The following AGBL1 variants were observed in gnomAD, a reference collection of about 807,000 sequenced individuals.
AGBL1 encodes the protein cytosolic carboxypeptidase 4.
Under a neutral mutation model 118.9 loss-of-function variants are expected in AGBL1, and 130 were observed. The ratio of observed to expected loss-of-function variants is 1.09; its 90% CI spans 0.95 to 1.26. The LOEUF (loss-of-function observed/expected upper bound fraction) is 1.26. AGBL1 is among the 50% of genes most tolerant of loss of function. The pLI is 0.00. For missense variants in AGBL1, 1,584 were observed against 1,298.1 expected, an observed-to-expected ratio of 1.22 and a Z score of -3.38; for synonymous variants, 555 against 478.9, an observed-to-expected ratio of 1.16 and a Z score of -2.08.
intron 8 of AGBL1, among the ~76,000 whole-genome samples, chr15:86,257,373 T>A (rs571594368): frequency 1.3e-5 from 2 of 152,208 alleles, no homozygotes; most frequent in Non-Finnish European, 2.9e-5. Context: ...GCCCTAAGGA[T>A]GAAATTGAAA....
chr15:86,687,116 T>G (rs1042766601), intron 22 of AGBL1, among the ~76,000 whole-genome samples: 1 of 152,048 alleles, frequency 6.6e-6, no homozygotes, highest in African/African-American at 2.4e-5. Context: ...AAAAAGGGAA[T>G]TAGAGGTTTA....
chr15:86,753,399 T>TTC (rs2077884531), intron 22 of AGBL1, among the ~76,000 whole-genome samples: 2 of 109,832 alleles, frequency 1.8e-5, no homozygotes, highest in African/African-American at 3.2e-5. Flanking sequence ...TTCTTTTTCT[T>TTC]TTTTTTTTTT....
intron 1 of AGBL1, among the ~76,000 whole-genome samples, chr15:86,130,713 T>G (rs2076808252): frequency 6.6e-6 from 1 of 152,214 alleles, no homozygotes; most frequent in Non-Finnish European, 1.5e-5. Context: ...AAACAAGATT[T>G]TCAATGCTTT....
At chr15:86,264,155 A>G in intron 10 of AGBL1, 103 bp from the exon 11 acceptor site, 2 of 993,524 alleles carry the variant, frequency 2.0e-6, no homozygotes, top group Non-Finnish European at 2.9e-6. Context: ...CATTCACAGG[A>G]TTTATGCTTA....
chr15:87,026,635 C>A (rs776048412), intron 24 of AGBL1, among the ~76,000 whole-genome samples: 1 of 152,052 alleles, frequency 6.6e-6, no homozygotes, highest in Non-Finnish European at 1.5e-5. Context: ...ATCCAGCAAT[C>A]CCACTACTGA....
intron 17 of AGBL1, among the ~76,000 whole-genome samples, chr15:86,381,364 G>A (rs924819241): frequency 5.3e-5 from 8 of 151,950 alleles, no homozygotes; most frequent in African/African-American, 1.9e-4. Context: ...ACAATTAAAT[G>A]TTTATTTCAA....
At chr15:86,947,405 G>T (rs933811302) in intron 23 of AGBL1, among the ~76,000 whole-genome samples, 2 of 152,036 alleles carry the variant, frequency 1.3e-5, no homozygotes, top group African/African-American at 4.8e-5. Context: ...AATTGCTTTA[G>T]GTAGATTTTA....
intron 1 of AGBL1, chr15:86,080,383 A>G (rs1895185281): frequency 5.6e-6 from 1 of 178,480 alleles, no homozygotes; most frequent in Non-Finnish European, 1.2e-5. Context: ...TGCTGAGAGC[A>G]TGCAGAGCTG....
intron 22 of AGBL1, among the ~76,000 whole-genome samples, chr15:86,904,304 C>G (rs948786247): frequency 5.9e-5 from 9 of 151,964 alleles, no homozygotes; most frequent in African/African-American, 2.2e-4. Flanking sequence ...CTGCCTTTTT[C>G]TCTCCCTACT....
intron 5 of AGBL1, among the ~76,000 whole-genome samples, chr15:86,200,549 TAC>T (rs369603267): frequency 0.032 from 1,009 of 31,922 alleles, 18 homozygotes; most frequent in African/African-American, 0.1. Flanking sequence ...AATAGACCCC[TAC>T]CCCCCCCCCC....
chr15:86,554,522 C>T lies in AGBL1; in HGVS notation c.2979C>T (p.Asn993=), dbSNP rs368906106. The T allele has an allele frequency of 6.5e-6, 10 of 1,540,594 alleles. No individual in the cohort carries two copies. In the African/African-American group the frequency reaches 1.1e-4, roughly 17 times the overall value. The change falls in exon 21 of 23, where the codon AAC becomes AAT. Residue 993 remains asparagine, a synonymous_variant. Coordinates refer to ENST00000614907, the MANE Select transcript of AGBL1 (RefSeq NM_001386094.1). Reference sequence around the variant, plus strand: ...TGGAAAGCAGCTACTGTGGCTGCAACCAGGGCCCTTATCAGGTATGTGAGG... The same window carrying T: ...TGGAAAGCAGCTACTGTGGCTGCAATCAGGGCCCTTATCAGGTATGTGAGG... ...YTMESSYCGC[N]QGPYQGLQFG...
intron 6 of AGBL1, among the ~76,000 whole-genome samples, chr15:86,230,827 C>A (rs1018530084): frequency 3.9e-5 from 6 of 152,184 alleles, no homozygotes; most frequent in African/African-American, 1.4e-4. Context: ...TTGACACATG[C>A]AGTTTTTGAG....
At chr15:86,166,929 A>G (rs1215585678) in intron 5 of AGBL1, among the ~76,000 whole-genome samples, 3 of 152,070 alleles carry the variant, frequency 2.0e-5, no homozygotes, top group East Asian at 3.9e-4. Flanking sequence ...TTCCACCTTT[A>G]TCTGCTGAAG....
At chr15:86,127,635 A>G (rs907470891) in intron 1 of AGBL1, among the ~76,000 whole-genome samples, 6 of 152,238 alleles carry the variant, frequency 3.9e-5, no homozygotes, top group African/African-American at 1.2e-4. Flanking sequence ...CAAGCTATCT[A>G]TCTTCCAGAG....
chr15:86,681,288 T>C (rs2085950973), intron 22 of AGBL1, among the ~76,000 whole-genome samples: 1 of 152,240 alleles, frequency 6.6e-6, no homozygotes, highest in South Asian at 2.1e-4. Flanking sequence ...TTGGTGACTT[T>C]ACATTTAGGT....
rs186839207 is a variant in AGBL1 at position 86,190,131 on chromosome 15, T to A, written c.488+31105T>A. 7.3e-4 allele frequency among the ~76,000 whole-genome samples: 111 copies of A among 152,348 alleles called. 1 individual carries two copies. The highest frequency in any genetic ancestry group is 2.6e-3 in the African/African-American group (107 of 41,590). On this transcript the variant is annotated intron_variant, in intron 5 of 22. Coordinates refer to ENST00000614907, the MANE Select transcript of AGBL1 (RefSeq NM_001386094.1). Reference sequence around the variant, plus strand: ...GTGGTAATAAGACATTTTTAATTAGTTCTATTTATGTTCTCTTTTTTAAAA... The same window carrying A: ...GTGGTAATAAGACATTTTTAATTAGATCTATTTATGTTCTCTTTTTTAAAA...
intron 21 of AGBL1, among the ~76,000 whole-genome samples, chr15:86,650,161 ACT>A (rs1490936757): frequency 3.9e-5 from 6 of 152,040 alleles, no homozygotes; most frequent in Non-Finnish European, 8.8e-5. Flanking sequence ...TTTCTAAAAT[ACT>A]CTCTTCTCCC....
intron 22 of AGBL1, among the ~76,000 whole-genome samples, chr15:86,827,295 A>G (rs542261774): frequency 1.3e-3 from 18 of 13,684 alleles, no homozygotes; most frequent in Non-Finnish European, 1.5e-3. Flanking sequence ...GTGTATGTAT[A>G]TATATATGTA....
chr15:86,482,018 A>T (rs1334620573), intron 18 of AGBL1, among the ~76,000 whole-genome samples: 1 of 152,170 alleles, frequency 6.6e-6, no homozygotes, highest in Non-Finnish European at 1.5e-5. Flanking sequence ...TAAGTCCAGT[A>T]GTCTGCTGTG....
Sources: allele counts gnomAD v4.1 joint callset (sites outside exome capture counted in the v4.1 genomes callset), GRCh38; gene constraint gnomAD v4.1.1; transcripts MANE v1.5; gene names NCBI Gene and HGNC (gene_info 2026-07-23, HGNC 2026-07-21).